The following PARP3 variants were observed in gnomAD, a reference collection of about 807,000 sequenced individuals.
PARP3 encodes poly(ADP-ribose) polymerase family member 3.
In PARP3, 46 loss-of-function variants were observed where a neutral mutation model predicts 58.2. The ratio of observed to expected loss-of-function variants is 0.79; its 90% CI spans 0.62 to 1.01. The LOEUF (loss-of-function observed/expected upper bound fraction) is 1.01, where lower values mean the gene tolerates loss of function less well. Ranked by LOEUF, PARP3 falls within the 50% of genes least tolerant of loss-of-function variation. PARP3 has a pLI of 0.00. For synonymous variants in PARP3, 252 were observed against 266.4 expected, an observed-to-expected ratio of 0.95 and a Z score of 0.53; for missense variants, 663 against 683.9, an observed-to-expected ratio of 0.97 and a Z score of 0.34.
At position 51,944,983 on chromosome 3, in the gene PARP3, C is replaced by T. The variant is rs1460357381; in HGVS notation, c.635-15C>T. On this transcript the variant is annotated splice_polypyrimidine_tract_variant and intron_variant, in intron 5 of 10. Coordinates refer to ENST00000398755, the MANE Select transcript of PARP3 (RefSeq NM_001003931.4). This position sits in a 1 kb window ranked among gnomAD's most constrained non-coding sequence, Gnocchi z 4.2. ...GGCTGTGGGGCTGAGTCTCCCCACT[C>T]CCCTGTCCCCCTAGATGTGAAGAAG... 8 of 1,612,992 alleles carry T rather than the reference C, an allele frequency of 5.0e-6. No homozygotes were observed. The highest frequency in any genetic ancestry group is 4.5e-5 in the East Asian group (2 of 44,874).
At chr3:51,943,617 CTG>C in intron 2 of PARP3, 79 bp downstream of exon 2, 8 of 1,386,764 alleles carry the variant, frequency 5.8e-6, no homozygotes, top group Non-Finnish European at 6.9e-6. Flanking sequence ...CCTTAGGACT[CTG>C]TTCTGGTTTT....
chr3:51,942,805 C>T, intron 1 of PARP3, 97 bp downstream of exon 1: 1 of 1,504,076 alleles, frequency 6.6e-7, no homozygotes, highest in Non-Finnish European at 8.9e-7. Flanking sequence ...ATCCGGAGTT[C>T]TGGCTCCTCA....
At position 51,946,221 on chromosome 3, in the gene PARP3, G is replaced by A. The variant is rs774778258; in HGVS notation, c.1154G>A (p.Gly385Asp). 2.5e-6 allele frequency: 4 copies of A among 1,613,444 alleles called. No individual in the cohort carries two copies. In the East Asian group the frequency reaches 8.9e-5, roughly 36 times the overall value. The stretch of plus-strand genomic sequence containing the variant: ...GGTAATCGGAAGCTGCTGTGGCATG[G>A]CACCAACATGGCCGTGGTGGCCGCC... ...KLGNRKLLWH[G>D]TNMAVVAAIL... The change falls in exon 9 of 11, where the codon GGC becomes GAC. Residue 385 changes from glycine (G) to aspartate (D), a missense_variant. This residue lies in a region of PARP3 where 567 missense variants were observed against 553.6 expected (regional missense o/e 1.02). Coordinates refer to ENST00000398755, the MANE Select transcript of PARP3 (RefSeq NM_001003931.4). This position sits in a 1 kb window ranked among gnomAD's most constrained non-coding sequence, Gnocchi z 4.6.
At chr3:51,943,907 A>G (rs941851736) in intron 2 of PARP3, among the ~76,000 whole-genome samples, 182 bp from the exon 3 acceptor site, 4 of 136,216 alleles carry the variant, frequency 2.9e-5, no homozygotes, top group African/African-American at 1.1e-4. Context: ...GTCAGGGTTT[A>G]GCCATGTCCT....
chr3:51,948,599 C>G lies in PARP3; in HGVS notation c.*119C>G. On this transcript the variant is annotated 3_prime_UTR_variant, in exon 11 of 11. Coordinates refer to ENST00000398755, the MANE Select transcript of PARP3 (RefSeq NM_001003931.4). ...CAAGAATACAATACGTTGTTGTTAA[C>G]TATAGTCACCATGCTGTACAAGATC... 1 of 874,364 alleles carries G rather than the reference C, an allele frequency of 1.1e-6. No individual in the cohort carries two copies. Among genetic ancestry groups the G allele is most frequent in the Middle Eastern group, 2.4e-4 (1 of 4,214 alleles). The allele number at this position is 874,364 out of a possible 1,614,324, so 54.2% of individuals were successfully genotyped here. A position where few individuals can be genotyped will look rare whatever the true frequency, so the allele number is the denominator to read the frequency against.
chr3:51,942,673 C>T lies in PARP3; in HGVS notation c.-38C>T. On this transcript the variant is annotated 5_prime_UTR_variant, in exon 1 of 11. Coordinates refer to ENST00000398755, the MANE Select transcript of PARP3 (RefSeq NM_001003931.4). The stretch of plus-strand genomic sequence containing the variant: ...AGGCGCACACAACCAGGCCGGGTGG[C>T]AGCCAGGACCTCTCCCATGTCCCTG... 1 of 1,480,784 alleles carries T rather than the reference C, an allele frequency of 6.8e-7. No homozygotes were observed. Among genetic ancestry groups the T allele is most frequent in the East Asian group, 2.4e-5 (1 of 41,612 alleles). 91.7% of individuals were successfully genotyped at this position (1,480,784 alleles called of 1,614,324 possible). A position where few individuals can be genotyped will look rare whatever the true frequency, so the allele number is the denominator to read the frequency against.
intron 2 of PARP3, among the ~76,000 whole-genome samples, 186 bp downstream of exon 2, chr3:51,943,724 A>G (rs1292529629): frequency 6.6e-6 from 1 of 151,994 alleles, no homozygotes; most frequent in East Asian, 1.9e-4. Context: ...GGCGGGTCAC[A>G]TCTGCCCTTC....
Position 51,942,524 on chromosome 3 carries a change from C to T in PARP3, c.-187C>T. The T allele has an allele frequency of 1.4e-6, 1 of 699,788 alleles. No homozygotes were observed. Among genetic ancestry groups the T allele is most frequent in the South Asian group, 1.6e-5 (1 of 64,494 alleles). 43.3% of individuals were successfully genotyped at this position (699,788 alleles called of 1,614,324 possible). ...AGCCTCTGCTTCACCCCACTGGTGGCCAAATAGCCGATGTCTAATCCCCCA... is the reference window on the plus strand; with the variant it reads ...AGCCTCTGCTTCACCCCACTGGTGGTCAAATAGCCGATGTCTAATCCCCCA... On this transcript the variant is annotated 5_prime_UTR_variant, in exon 1 of 11. Transcript: ENST00000398755.
chr3:51,944,820 C>T lies in PARP3; in HGVS notation c.544C>T (p.Pro182Ser), dbSNP rs1467826738. Reference sequence around the variant, plus strand: ...GAGGACTGTGACTAAGCGGGTGCAGCCCTGCTCCCTGGACCCAGCCACGCA... The same window carrying T: ...GAGGACTGTGACTAAGCGGGTGCAGTCCTGCTCCCTGGACCCAGCCACGCA... ...PVRTVTKRVQ[P>S]CSLDPATQKL... Residue 182 changes from proline to serine, a missense_variant, in exon 5 of 11, where the codon CCC (proline) becomes TCC (serine). By Grantham distance (74) the Pro-to-Ser change is moderately conservative. Around this residue, in one of 3 missense-constraint regions of PARP3, gnomAD observed 567 missense variants for 553.6 expected, o/e 1.02. Coordinates refer to ENST00000398755, the MANE Select transcript of PARP3 (RefSeq NM_001003931.4). This position sits in a 1 kb window ranked among gnomAD's most constrained non-coding sequence, Gnocchi z 4.2. The T allele has an allele frequency of 6.2e-7, 1 of 1,613,524 alleles. No homozygotes were observed. The highest frequency in any genetic ancestry group is 1.3e-5 in the African/African-American group (1 of 74,932).
chr3:51,946,048 C>T lies in PARP3; in HGVS notation c.1098+109C>T, dbSNP rs752575345. 4.9e-5 allele frequency: 67 copies of T among 1,357,996 alleles called. No individual in the cohort carries two copies. The highest frequency in any genetic ancestry group is 4.4e-4 in the East Asian group (19 of 43,538). The allele number at this position is 1,357,996 out of a possible 1,614,324, so 84.1% of individuals were successfully genotyped here. On this transcript the variant is annotated intron_variant, in intron 8 of 10. Coordinates refer to ENST00000398755, the MANE Select transcript of PARP3 (RefSeq NM_001003931.4). This position sits in a 1 kb window ranked among gnomAD's most constrained non-coding sequence, Gnocchi z 4.6. ...TTTAGCAGCTCTGGTCAGTTTCTGC[C>T]GGCCATGAGTGCGCGTGAGTAAGCA...
chr3:51,945,241 G>A lies in PARP3; in HGVS notation c.861+17G>A, dbSNP rs771504436. 1.3e-5 allele frequency: 21 copies of A among 1,608,870 alleles called. No homozygotes were observed. Among genetic ancestry groups the A allele is most frequent in the Non-Finnish European group, 1.8e-5 (21 of 1,175,832 alleles). Reference sequence around the variant, plus strand: ...ATGCTGCTGGTGAGGGCTGGCAGGGGTGCGGGCAGGCAGTGGGGCACTGAA... The same window carrying A: ...ATGCTGCTGGTGAGGGCTGGCAGGGATGCGGGCAGGCAGTGGGGCACTGAA... On this transcript the variant is annotated intron_variant, in intron 6 of 10. Coordinates refer to ENST00000398755, the MANE Select transcript of PARP3 (RefSeq NM_001003931.4).
At chr3:51,945,344 A>C in intron 6 of PARP3, 120 bp downstream of exon 6, 1 of 1,361,152 alleles carries the variant, frequency 7.3e-7, no homozygotes, top group Non-Finnish European at 1.0e-6. Flanking sequence ...GCAGGCTGAC[A>C]GACGGGTGGG....
chr3:51,944,226 C>T lies in PARP3; in HGVS notation c.312+9C>T. On this transcript the variant is annotated intron_variant, in intron 3 of 10. Transcript: ENST00000398755. The surrounding 1 kb of genome is among the most constrained non-coding windows in gnomAD (Gnocchi z 4.2). ...ACCGCTGGGGCCGTGTGGTGAGTGC[C>T]CTGCCTGCTCTGCACATACTCCCCA... The T allele has an allele frequency of 5.6e-6, 9 of 1,613,930 alleles. No individual in the cohort carries two copies. Among genetic ancestry groups the T allele is most frequent in the Non-Finnish European group, 6.8e-6 (8 of 1,179,956 alleles).
chr3:51,943,135 G>A, intron 1 of PARP3: 1 of 1,009,170 alleles, frequency 9.9e-7, no homozygotes, highest in South Asian at 1.8e-5. Context: ...TTGGGACTGG[G>A]GAAAGGGGTG....
At chr3:51,943,802 C>G (rs1032567932) in intron 2 of PARP3, among the ~76,000 whole-genome samples, 9 of 152,134 alleles carry the variant, frequency 5.9e-5, no homozygotes. Flanking sequence ...CTCCTGGGCG[C>G]TTGCCCATGT....
At chr3:51,947,601 G>A in intron 9 of PARP3, 139 bp from the exon 10 acceptor site, 1 of 843,890 alleles carries the variant, frequency 1.2e-6, no homozygotes. Context: ...GACAAGGAGG[G>A]AGTGACGGTT....
chr3:51,942,918 C>T, intron 1 of PARP3: 2 of 1,417,602 alleles, frequency 1.4e-6, no homozygotes, highest in African/African-American at 1.4e-5. Flanking sequence ...CTCTGCCCAC[C>T]CTCCCCCATA....
intron 1 of PARP3, chr3:51,942,981 G>A: frequency 7.1e-7 from 1 of 1,405,532 alleles, no homozygotes; most frequent in Non-Finnish European, 9.2e-7. Context: ...CTGACACAGG[G>A]GGAGGAGCCC....
chr3:51,944,629 G>C lies in PARP3; in HGVS notation c.501+51G>C, dbSNP rs569009197. 6.3e-7 allele frequency: 1 copy of C among 1,592,016 alleles called. No homozygotes were observed. The highest frequency in any genetic ancestry group is 1.1e-5 in the South Asian group (1 of 89,684). On this transcript the variant is annotated intron_variant, in intron 4 of 10. Coordinates refer to ENST00000398755, the MANE Select transcript of PARP3 (RefSeq NM_001003931.4). This position sits in a 1 kb window ranked among gnomAD's most constrained non-coding sequence, Gnocchi z 4.2. ...GGCCCTGGACTGAGGGAGGGGACTC[G>C]TTGGAGAGTTCCCGCTGGTTGGGCT...
Sources: allele counts gnomAD v4.1 joint callset (sites outside exome capture counted in the v4.1 genomes callset), GRCh38; gene constraint gnomAD v4.1.1; regional missense constraint gnomAD v4.1.1; non-coding constraint Gnocchi (gnomAD v3.1); transcripts MANE v1.5; gene names NCBI Gene and HGNC (gene_info 2026-07-23, HGNC 2026-07-21).